SORT1: variants seen among roughly 807,000 people sequenced by gnomAD.
The protein encoded by SORT1 is sortilin 1.
SORT1 carries 39 observed loss-of-function variants against 101.7 expected under a neutral mutation model. The ratio of observed to expected loss-of-function variants is 0.38; its 90% CI spans 0.30 to 0.50. The LOEUF (loss-of-function observed/expected upper bound fraction) is 0.50, where lower values mean the gene tolerates loss of function less well. SORT1 is among the 20% of genes least tolerant of loss of function. The pLI is 0.90. For synonymous variants in SORT1, 396 were observed against 393.7 expected, an observed-to-expected ratio of 1.01 and a Z score of -0.07; for missense variants, 878 against 1,040.4, an observed-to-expected ratio of 0.84 and a Z score of 2.15.
intron 1 of SORT1, among the ~76,000 whole-genome samples, chr1:109,382,687 G>T (rs1474257540): frequency 1.3e-5 from 2 of 152,190 alleles, no homozygotes; most frequent in Non-Finnish European, 2.9e-5. Flanking sequence ...GCCATCTACT[G>T]CCCTCGGTAG....
chr1:109,390,295 G>A (rs1295646338), intron 1 of SORT1, among the ~76,000 whole-genome samples: 1 of 152,150 alleles, frequency 6.6e-6, no homozygotes, highest in African/African-American at 2.4e-5. Context: ...CTTTGTTTAT[G>A]CACAGGTCTG....
At chr1:109,396,645 C>T (rs982353519) in intron 1 of SORT1, among the ~76,000 whole-genome samples, 4 of 152,182 alleles carry the variant, frequency 2.6e-5, no homozygotes, top group Admixed American at 6.5e-5. Flanking sequence ...TACAGAAGGA[C>T]AAGTGCTGGC....
At position 109,350,835 on chromosome 1, in the gene SORT1, C is replaced by T. The variant is rs1296948341; in HGVS notation, c.782+94G>A. On this transcript the variant is annotated intron_variant, in intron 6 of 19. Coordinates refer to ENST00000256637, the MANE Select transcript of SORT1 (RefSeq NM_002959.7). ...ATGGCACCCTGAAGAGTACTTGGCA[C>T]ACAGTAAGTGCTCAATATTTATTCA... 4.6e-6 allele frequency: 4 copies of T among 869,240 alleles called. No individual in the cohort carries two copies. The African/African-American group carries it at 5.0e-5, about 11-fold the overall frequency. The allele number at this position is 869,240 out of a possible 1,614,324, so 53.8% of individuals were successfully genotyped here.
intron 13 of SORT1, among the ~76,000 whole-genome samples, chr1:109,326,580 TACAC>T (rs1177482937): frequency 6.8e-6 from 1 of 146,980 alleles, no homozygotes; most frequent in Non-Finnish European, 1.5e-5. Context: ...CATACATATA[TACAC>T]ACACACATAT....
chr1:109,396,821 T>C (rs1653202382), intron 1 of SORT1, among the ~76,000 whole-genome samples: 1 of 152,236 alleles, frequency 6.6e-6, no homozygotes, highest in Non-Finnish European at 1.5e-5. Flanking sequence ...ATGCCCAAGT[T>C]GTGCTGAAGC....
intron 1 of SORT1, among the ~76,000 whole-genome samples, chr1:109,395,284 G>A (rs565516144): frequency 3.2e-5 from 4 of 125,732 alleles, no homozygotes; most frequent in South Asian, 5.2e-4. Flanking sequence ...ACAACGGTGC[G>A]ATCTCGGCTC....
intron 1 of SORT1, among the ~76,000 whole-genome samples, chr1:109,392,305 A>G (rs969724499): frequency 7.9e-5 from 12 of 152,322 alleles, no homozygotes; most frequent in East Asian, 7.7e-4. Context: ...CTCTGCAGTC[A>G]CCCACTGAGA....
intron 11 of SORT1, among the ~76,000 whole-genome samples, 176 bp downstream of exon 11, chr1:109,336,064 T>C (rs916040660): frequency 3.9e-5 from 6 of 152,236 alleles, no homozygotes; most frequent in African/African-American, 9.6e-5. Context: ...TATTTTGACC[T>C]TTCCTCAGTT....
rs781587744 is a variant in SORT1 at position 109,340,752 on chromosome 1, G to T, written c.1236C>A (p.Gly412=). Residue 412 remains glycine, a synonymous_variant, in exon 10 of 20, where the codon GGC becomes GGA. Transcript: ENST00000256637. ...CGGAGAGCACGCTTGTTATGTAGAC[G>T]CCGCGGAGGGAGGTCACGTTGGTAA... The part of the protein sequence containing the change: ...TDFTNVTSLR[G]VYITSVLSED... 7.4e-6 allele frequency: 12 copies of T among 1,613,976 alleles called. No homozygotes were observed. In the East Asian group the frequency reaches 2.5e-4, roughly 33 times the overall value.
At chr1:109,340,702 C>G (rs1324537961) in intron 10 of SORT1, 22 bp downstream of exon 10, 3 of 1,613,346 alleles carry the variant, frequency 1.9e-6, no homozygotes, top group African/African-American at 2.7e-5. Context: ...GCACAGTACA[C>G]CACTGCGATG....
intron 4 of SORT1, among the ~76,000 whole-genome samples, chr1:109,354,847 T>C (rs150907678): frequency 1.3e-5 from 2 of 152,332 alleles, no homozygotes; most frequent in East Asian, 3.9e-4. Flanking sequence ...TGCATAATTA[T>C]TAAGGGCTTT....
chr1:109,391,138 C>T (rs979512284), intron 1 of SORT1, among the ~76,000 whole-genome samples: 1 of 152,096 alleles, frequency 6.6e-6, no homozygotes. Context: ...TTAGATTTTT[C>T]AGCCAACAAG....
chr1:109,369,668 T>C, intron 1 of SORT1, 79 bp from the exon 2 acceptor site: 1 of 939,832 alleles, frequency 1.1e-6, no homozygotes. Flanking sequence ...ATCTGAACTT[T>C]ATTACTGTTC....
chr1:109,337,904 G>A lies in SORT1; in HGVS notation c.1265-1558C>T, dbSNP rs561999688. Among the ~76,000 whole-genome samples, 17 of 152,300 alleles carry A rather than the reference G, an allele frequency of 1.1e-4. No individual in the cohort carries two copies. In the Middle Eastern group the frequency reaches 0.017, roughly 152 times the overall value. Reference sequence around the variant, plus strand: ...GTCTCCCAAAGTGCTAGGATTACACGCATGAGCCACTACACCCAGAGTGAA... The same window carrying A: ...GTCTCCCAAAGTGCTAGGATTACACACATGAGCCACTACACCCAGAGTGAA... On this transcript the variant is annotated intron_variant, in intron 10 of 19. Transcript: ENST00000256637.
At chr1:109,361,467 T>C (rs1364588795) in intron 3 of SORT1, among the ~76,000 whole-genome samples, 13 of 152,252 alleles carry the variant, frequency 8.5e-5, no homozygotes, top group Non-Finnish European at 1.9e-4. Context: ...AATTTTTCTC[T>C]ACAGCCCTCC....
intron 1 of SORT1, among the ~76,000 whole-genome samples, chr1:109,379,536 G>A (rs1339397671): frequency 6.6e-6 from 1 of 152,152 alleles, no homozygotes; most frequent in Non-Finnish European, 1.5e-5. Flanking sequence ...TAAATATGCT[G>A]TTTCTGTGCT....
chr1:109,324,291 C>A (rs1354780221), intron 14 of SORT1, among the ~76,000 whole-genome samples: 1 of 152,134 alleles, frequency 6.6e-6, no homozygotes, highest in Admixed American at 6.6e-5. Flanking sequence ...GCACCCGCCA[C>A]CTTACCTGGC....
chr1:109,359,978 G>A (rs1487320566), intron 3 of SORT1, among the ~76,000 whole-genome samples: 1 of 152,152 alleles, frequency 6.6e-6, no homozygotes, highest in Non-Finnish European at 1.5e-5. Flanking sequence ...ACAATGGTGG[G>A]ACAGGCACAG....
At chr1:109,377,640 G>A (rs1049086604) in intron 1 of SORT1, among the ~76,000 whole-genome samples, 3 of 152,178 alleles carry the variant, frequency 2.0e-5, no homozygotes, top group Non-Finnish European at 2.9e-5. Context: ...CCCTGAACAC[G>A]TCGAAGTGTT....
Sources: gnomAD v4.1 joint callset for allele counts (sites outside exome capture counted in the v4.1 genomes callset) on GRCh38, gnomAD v4.1.1 for gene constraint, MANE v1.5 for transcripts, NCBI Gene and HGNC (gene_info 2026-07-23, HGNC 2026-07-21) for gene names.